DPP6: variants seen among roughly 807,000 people sequenced by gnomAD.
The protein encoded by DPP6 is A-type potassium channel modulatory protein DPP6.
Under a neutral mutation model 122.6 loss-of-function variants are expected in DPP6, and 69 were observed. That is an observed-to-expected ratio of 0.56 (90% confidence interval 0.46 to 0.69). The LOEUF (loss-of-function observed/expected upper bound fraction) is 0.69. Ranked by LOEUF, DPP6 falls within the 30% of genes least tolerant of loss-of-function variation. The pLI is 0.00. For synonymous variants in DPP6, 418 were observed against 433.1 expected (o/e 0.97, Z 0.43); for missense variants, 928 against 1,116.9 (o/e 0.83, Z 2.41).
intron 5 of DPP6, among the ~76,000 whole-genome samples, chr7:154,632,500 A>G (rs1835467932): frequency 6.6e-6 from 1 of 152,208 alleles, no homozygotes; most frequent in South Asian, 2.1e-4. Context: ...TACTGAGTGC[A>G]TGATGGAGCT....
intron 3 of DPP6, among the ~76,000 whole-genome samples, chr7:154,529,004 G>T (rs75819919): frequency 0.027 from 4,154 of 152,260 alleles, 87 homozygotes; most frequent in South Asian, 0.083. Flanking sequence ...TAAGAAACTT[G>T]ACTAAAATAG....
intron 1 of DPP6, among the ~76,000 whole-genome samples, chr7:154,003,574 T>C (rs572973971): frequency 3.9e-5 from 6 of 152,338 alleles, no homozygotes; most frequent in Non-Finnish European, 8.8e-5. Context: ...GACAGCATCA[T>C]GTTATGAAAA....
At chr7:154,196,779 G>C (rs573943801) in intron 1 of DPP6, among the ~76,000 whole-genome samples, 1 of 152,102 alleles carries the variant, frequency 6.6e-6, no homozygotes, top group Non-Finnish European at 1.5e-5. Context: ...TTTCAGGACC[G>C]AGGCCAAGCT....
intron 3 of DPP6, among the ~76,000 whole-genome samples, chr7:154,484,711 G>A (rs567036273): frequency 6.6e-6 from 1 of 152,318 alleles, no homozygotes; most frequent in Admixed American, 6.5e-5. Context: ...GTTTGTTTAC[G>A]CTCATTTTCA....
chr7:154,288,364 C>T (rs1021410973), intron 1 of DPP6, among the ~76,000 whole-genome samples: 2 of 152,154 alleles, frequency 1.3e-5, no homozygotes, highest in Admixed American at 1.3e-4. Flanking sequence ...ACTGAGATGC[C>T]TCAGCTACCC....
intron 1 of DPP6, among the ~76,000 whole-genome samples, chr7:153,949,922 A>AC (rs1327269006): frequency 6.6e-6 from 1 of 152,162 alleles, no homozygotes; most frequent in Non-Finnish European, 1.5e-5. Flanking sequence ...TGGCTACTCT[A>AC]GGGGGATCCC....
At chr7:154,476,109 G>C (rs1158880486) in intron 3 of DPP6, among the ~76,000 whole-genome samples, 1 of 152,186 alleles carries the variant, frequency 6.6e-6, no homozygotes, top group Non-Finnish European at 1.5e-5. Flanking sequence ...ACTCTTGGCT[G>C]TTAGTCTCCT....
chr7:153,784,097 A>G, the DPP6 span, among the ~76,000 whole-genome samples: 2 of 152,198 alleles, frequency 1.3e-5, no homozygotes, highest in Non-Finnish European at 2.9e-5. Flanking sequence ...AGATAATACA[A>G]TTAGTGCTCA....
chr7:154,865,530 T>C (rs1177710832), intron 17 of DPP6: 1 of 152,000 alleles, frequency 6.6e-6, no homozygotes, highest in African/African-American at 2.4e-5. Context: ...CAGAAAATTT[T>C]CCATCAACTT....
At chr7:154,323,424 C>G (rs1808149029) in intron 1 of DPP6, among the ~76,000 whole-genome samples, 1 of 152,148 alleles carries the variant, frequency 6.6e-6, no homozygotes, top group Admixed American at 6.5e-5. Context: ...GTGTGAGATC[C>G]TTTTGGCTTT....
chr7:154,646,611 A>G (rs1836501015), intron 6 of DPP6, among the ~76,000 whole-genome samples: 1 of 152,178 alleles, frequency 6.6e-6, no homozygotes, highest in South Asian at 2.1e-4. Flanking sequence ...ATTGTTGTAG[A>G]TAGAATTTTT....
chr7:154,713,485 A>G (rs1841314571), intron 7 of DPP6, among the ~76,000 whole-genome samples: 1 of 152,208 alleles, frequency 6.6e-6, no homozygotes, highest in South Asian at 2.1e-4. Context: ...TGGCATTTCC[A>G]TACATCTTCT....
chr7:154,093,867 C>CCGCCGT (rs71182875), intron 1 of DPP6: 13,502 of 152,038 alleles, frequency 0.089, 633 homozygotes, highest in Middle Eastern at 0.14. Flanking sequence ...TAGGGGGATC[C>CCGCCGT]CGCCGTGCTT....
At chr7:154,505,975 C>T (rs536454321) in intron 3 of DPP6, among the ~76,000 whole-genome samples, 23 of 152,062 alleles carry the variant, frequency 1.5e-4, no homozygotes, top group African/African-American at 5.3e-4. Flanking sequence ...TCTACTCTCC[C>T]CCATTTATTT....
At chr7:153,965,127 C>T (rs753766039) in intron 1 of DPP6, among the ~76,000 whole-genome samples, 31 of 151,600 alleles carry the variant, frequency 2.0e-4, no homozygotes, top group Non-Finnish European at 4.1e-4. Context: ...AGTGCTTTAT[C>T]TGTCAGCCAG....
chr7:154,431,258 C>T (rs1050198184), intron 1 of DPP6, among the ~76,000 whole-genome samples: 2 of 152,106 alleles, frequency 1.3e-5, no homozygotes, highest in African/African-American at 2.4e-5. Flanking sequence ...CACTGAGCAG[C>T]ACCAGCTCAG....
intron 1 of DPP6, among the ~76,000 whole-genome samples, chr7:154,273,244 G>A (rs4078461): frequency 0.41 from 62,310 of 152,000 alleles, 14,808 homozygotes; most frequent in Middle Eastern, 0.53. Flanking sequence ...TGTGAGGCCC[G>A]ACACTATGGT....
Position 154,052,919 on chromosome 7 carries a change from C to T in DPP6, c.99C>T (p.Pro33=), listed in dbSNP as rs528815814. ...GTCACCTCCTGGGCGGCCAGGGGCC[C>T]GAGGAGGACGGCGGCGCAGGAGCCA... ...EASHLLGGQG[P]EEDGGAGAKP... Residue 33 remains proline, a synonymous_variant, in exon 1 of 26, where the codon CCC becomes CCT. Transcript: ENST00000377770. This position sits in a 1 kb window ranked among gnomAD's most constrained non-coding sequence, Gnocchi z 4.8. 17 of 1,496,584 alleles carry T rather than the reference C, an allele frequency of 1.1e-5. No individual in the cohort carries two copies. Among genetic ancestry groups the T allele is most frequent in the African/African-American group, 2.9e-5 (2 of 69,994 alleles). The allele number at this position is 1,496,584 out of a possible 1,614,324, so 92.7% of individuals were successfully genotyped here. A position where few individuals can be genotyped will look rare whatever the true frequency, so the allele number is the denominator to read the frequency against.
At chr7:154,705,247 G>A (rs1485714292) in intron 7 of DPP6, among the ~76,000 whole-genome samples, 2 of 152,118 alleles carry the variant, frequency 1.3e-5, no homozygotes, top group Admixed American at 1.3e-4. Context: ...AACAAAAAGG[G>A]GAATGTCTTA....
Sources: allele counts gnomAD v4.1 joint callset (sites outside exome capture counted in the v4.1 genomes callset), GRCh38; gene constraint gnomAD v4.1.1; non-coding constraint Gnocchi (gnomAD v3.1); transcripts MANE v1.5; gene names NCBI Gene and HGNC (gene_info 2026-07-23, HGNC 2026-07-21).